Variants in CCDC170 observed in about 807,000 individuals in gnomAD.
CCDC170 encodes the protein coiled-coil domain containing 170, also known as coiled-coil domain-containing protein 170.
In CCDC170, 69 loss-of-function variants were observed where a neutral mutation model predicts 72.6. That is an observed-to-expected ratio of 0.95 (90% CI 0.78 to 1.16). The LOEUF (loss-of-function observed/expected upper bound fraction) is 1.16, where lower values mean the gene tolerates loss of function less well. Ranked by LOEUF, CCDC170 falls within the 50% of genes most tolerant of loss-of-function variation. The pLI is 0.00. For missense variants in CCDC170, 852 were observed against 832.5 expected (o/e 1.02, Z -0.29); for synonymous variants, 300 against 303.9 (o/e 0.99, Z 0.13).
Position 151,618,996 on chromosome 6 carries a change from A to G in CCDC170, c.*849A>G. On this transcript the variant is annotated 3_prime_UTR_variant, in exon 11 of 11. Transcript: ENST00000239374. ...AGCCTGGGCGACAGAGTGAAACTAC[A>G]TCTCAGAAAAAAAAAAAAAAAAAAA... is the stretch of plus-strand genomic sequence containing the variant. 1 of 106,682 alleles carries G rather than the reference A, an allele frequency of 9.4e-6. No individual in the cohort carries two copies. Among genetic ancestry groups the G allele is most frequent in the South Asian group, 3.7e-4 (1 of 2,692 alleles). The allele number at this position is 106,682 out of a possible 1,614,324, so 6.6% of individuals were successfully genotyped here.
At position 151,519,496 on chromosome 6, in the gene CCDC170, C is replaced by T. The variant is rs577138871; in HGVS notation, c.58-16822C>T. Among the ~76,000 whole-genome samples the T allele has an allele frequency of 1.2e-4, 19 of 152,076 alleles. No homozygotes were observed. In the East Asian group the frequency reaches 3.7e-3, roughly 29 times the overall value. ...TTACAATCAATTTGTACAGATAACA[C>T]AATAGTGGTCCTGAGGTAATGTACA... On this transcript the variant is annotated intron_variant, in intron 1 of 10. Transcript: ENST00000239374.
intron 7 of CCDC170, among the ~76,000 whole-genome samples, chr6:151,590,405 A>G (rs551591372): frequency 6.6e-6 from 1 of 152,342 alleles, no homozygotes; most frequent in African/African-American, 2.4e-5. Flanking sequence ...AATTGGGATT[A>G]TGTTCAAATA....
At chr6:151,499,843 T>C (rs1490699496) in intron 1 of CCDC170, among the ~76,000 whole-genome samples, 5 of 152,234 alleles carry the variant, frequency 3.3e-5, no homozygotes. Flanking sequence ...TATCCATTCA[T>C]CTGTCTCTGC....
chr6:151,545,276 A>C (rs1182590002), intron 4 of CCDC170, among the ~76,000 whole-genome samples: 1 of 152,092 alleles, frequency 6.6e-6, no homozygotes, highest in African/African-American at 2.4e-5. Flanking sequence ...AAAATTAGCC[A>C]GGCGTGGTGG....
chr6:151,522,052 C>T lies in CCDC170; in HGVS notation c.58-14266C>T, dbSNP rs147669876. 2.6e-3 allele frequency among the ~76,000 whole-genome samples: 385 copies of T among 150,764 alleles called. 1 individual carries two copies. The highest frequency in any genetic ancestry group is 8.5e-3 in the African/African-American group (350 of 40,992). Reference sequence around the variant, plus strand: ...GCATGTGCCTGTCATCCCAGCTACTCGGAAGGCTGAGGCAGGAGAATCGCC... The same window carrying T: ...GCATGTGCCTGTCATCCCAGCTACTTGGAAGGCTGAGGCAGGAGAATCGCC... On this transcript the variant is annotated intron_variant, in intron 1 of 10. Coordinates refer to ENST00000239374, the MANE Select transcript of CCDC170 (RefSeq NM_025059.4).
At chr6:151,604,122 G>T (rs1313607758) in intron 9 of CCDC170, among the ~76,000 whole-genome samples, 2 of 152,042 alleles carry the variant, frequency 1.3e-5, no homozygotes, top group Non-Finnish European at 2.9e-5. Flanking sequence ...CACCAAAAGG[G>T]ATTAACATTC....
chr6:151,571,867 T>C (rs190765297), intron 5 of CCDC170, among the ~76,000 whole-genome samples: 8 of 152,320 alleles, frequency 5.3e-5, no homozygotes, highest in Admixed American at 4.6e-4. Flanking sequence ...TCTTATGTTG[T>C]TATTTTGAGA....
chr6:151,547,655 C>T (rs9383922), intron 4 of CCDC170, among the ~76,000 whole-genome samples: 92,372 of 151,886 alleles, frequency 0.61, 30,413 homozygotes, highest in Admixed American at 0.72. Context: ...AGTCACCCTA[C>T]AGGCCTCCCC....
At chr6:151,497,952 C>CAA (rs59201906) in intron 1 of CCDC170, among the ~76,000 whole-genome samples, 3,551 of 57,576 alleles carry the variant, frequency 0.062, 130 homozygotes, top group East Asian at 0.14. Flanking sequence ...CACACCATCT[C>CAA]AAAAAAAAAA....
chr6:151,549,356 A>T (rs1161943048), intron 5 of CCDC170, among the ~76,000 whole-genome samples: 1 of 152,094 alleles, frequency 6.6e-6, no homozygotes, highest in Non-Finnish European at 1.5e-5. Context: ...AAATAATGGA[A>T]AAAAGGAATA....
intron 9 of CCDC170, among the ~76,000 whole-genome samples, chr6:151,615,181 C>A (rs79621305): frequency 6.6e-6 from 1 of 152,066 alleles, no homozygotes; most frequent in Non-Finnish European, 1.5e-5. Flanking sequence ...AAATCTGACC[C>A]CAGAATTATG....
chr6:151,550,312 C>G (rs1423958872), intron 5 of CCDC170, among the ~76,000 whole-genome samples: 20 of 151,990 alleles, frequency 1.3e-4, no homozygotes, highest in African/African-American at 4.4e-4. Context: ...ATAAAGGGAG[C>G]CTCCTTGTGG....
chr6:151,573,599 C>G, intron 6 of CCDC170, 108 bp downstream of exon 6: 5 of 1,042,800 alleles, frequency 4.8e-6, no homozygotes, highest in Non-Finnish European at 6.9e-6. Flanking sequence ...AAGAAATACC[C>G]GAGACTGGGT....
intron 1 of CCDC170, among the ~76,000 whole-genome samples, chr6:151,523,486 G>A (rs2115035180): frequency 6.6e-6 from 1 of 152,104 alleles, no homozygotes; most frequent in South Asian, 2.1e-4. Flanking sequence ...AGGAGTTTGA[G>A]ACCAGTCTGG....
chr6:151,558,232 GT>G (rs55648936), intron 5 of CCDC170, among the ~76,000 whole-genome samples: 14,071 of 70,938 alleles, frequency 0.2, 844 homozygotes, highest in African/African-American at 0.22. Flanking sequence ...TGAGATTAGT[GT>G]TTTTTTTTTT....
At chr6:151,544,769 T>G in intron 4 of CCDC170, 53 bp downstream of exon 4, 1 of 1,550,822 alleles carries the variant, frequency 6.4e-7, no homozygotes, top group Non-Finnish European at 8.8e-7. Context: ...TTCTGACATG[T>G]GGCATGAAAG....
intron 10 of CCDC170, 127 bp from the exon 11 acceptor site, chr6:151,617,820 G>A (rs1159451192): frequency 2.7e-6 from 2 of 740,998 alleles, no homozygotes; most frequent in Non-Finnish European, 4.4e-6. Context: ...ACTAGGAAGA[G>A]AGTAGATAAT....
At chr6:151,507,927 AAAAG>A (rs1782088571) in intron 1 of CCDC170, among the ~76,000 whole-genome samples, 1 of 151,966 alleles carries the variant, frequency 6.6e-6, no homozygotes, top group Non-Finnish European at 1.5e-5. Flanking sequence ...TCAAAAAAAA[AAAAG>A]AAAGAAAGAA....
intron 6 of CCDC170, among the ~76,000 whole-genome samples, chr6:151,575,922 T>C (rs1274477276): frequency 6.6e-6 from 1 of 152,152 alleles, no homozygotes; most frequent in East Asian, 1.9e-4. Flanking sequence ...GCGAGTAACT[T>C]AGTTTTTCTT....
Sources: gnomAD v4.1 joint callset for allele counts (sites outside exome capture counted in the v4.1 genomes callset) on GRCh38, gnomAD v4.1.1 for gene constraint, MANE v1.5 for transcripts, NCBI Gene and HGNC (gene_info 2026-07-23, HGNC 2026-07-21) for gene names.